PRKN: variants seen among roughly 807,000 people sequenced by gnomAD.
PRKN encodes the protein parkin RBR E3 ubiquitin protein ligase, also known as E3 ubiquitin-protein ligase parkin.
In PRKN, 56 loss-of-function variants were observed where a neutral mutation model predicts 59.5. That is an observed-to-expected ratio of 0.94 (90% CI 0.76 to 1.18). The LOEUF (loss-of-function observed/expected upper bound fraction) is 1.18, where lower values mean the gene tolerates loss of function less well. Among genes scored for constraint, PRKN ranks in the 50% most tolerant of loss-of-function variants. The pLI is 0.00. For missense variants in PRKN, 657 were observed against 596.4 expected, an observed-to-expected ratio of 1.10 and a Z score of -1.06; for synonymous variants, 250 against 222.1, an observed-to-expected ratio of 1.13 and a Z score of -1.12.
intron 1 of PRKN, among the ~76,000 whole-genome samples, chr6:162,602,448 T>C (rs1773339519): frequency 6.6e-6 from 1 of 152,124 alleles, no homozygotes; most frequent in African/African-American, 2.4e-5. Context: ...GTCTTGCATG[T>C]GGTTTTGGAG....
intron 9 of PRKN, among the ~76,000 whole-genome samples, chr6:161,521,762 T>C (rs547917121): frequency 6.6e-6 from 1 of 152,136 alleles, no homozygotes; most frequent in South Asian, 2.1e-4. Flanking sequence ...GCCTCTCAGT[T>C]TGATTACTGG....
intron 7 of PRKN, among the ~76,000 whole-genome samples, chr6:161,607,555 T>G (rs1782327843): frequency 1.3e-5 from 2 of 152,140 alleles, no homozygotes; most frequent in Admixed American, 6.6e-5. Flanking sequence ...CAGAAAATTT[T>G]AAAAATTTAG....
intron 1 of PRKN, among the ~76,000 whole-genome samples, chr6:162,602,101 G>A (rs1409281106): frequency 6.6e-6 from 1 of 152,284 alleles, no homozygotes; most frequent in East Asian, 1.9e-4. Context: ...ATGCTAGGAC[G>A]GGTATCCCCG....
chr6:162,366,732 C>T (rs1290431423), intron 2 of PRKN, among the ~76,000 whole-genome samples: 1 of 151,854 alleles, frequency 6.6e-6, no homozygotes, highest in Non-Finnish European at 1.5e-5. Context: ...ATGGAGAAAC[C>T]CCGCCTCTAT....
chr6:162,167,766 C>T (rs1783058748), intron 4 of PRKN, among the ~76,000 whole-genome samples: 1 of 151,918 alleles, frequency 6.6e-6, no homozygotes, highest in Non-Finnish European at 1.5e-5. Flanking sequence ...CATGGACTAG[C>T]ACTAAAGGAA....
chr6:162,028,680 C>T (rs1169031953), intron 5 of PRKN, among the ~76,000 whole-genome samples: 11 of 152,202 alleles, frequency 7.2e-5, no homozygotes, highest in Non-Finnish European at 1.6e-4. Context: ...CTGTCCAAAG[C>T]CACACAGAGC....
chr6:161,388,807 A>C lies in PRKN; in HGVS notation c.1084-1930T>G, dbSNP rs1269451409. The stretch of plus-strand genomic sequence containing the variant: ...GGAGAAGAGCTGCGGCCTCAGCCGC[A>C]ACAATAGCCCTGTCTGAGCTTTTAG... On this transcript the variant is annotated intron_variant, in intron 9 of 11. Coordinates refer to ENST00000366898, the MANE Select transcript of PRKN (RefSeq NM_004562.3). The surrounding 1 kb of genome is among the most constrained non-coding windows in gnomAD (Gnocchi z 4.3). 1.3e-5 allele frequency among the ~76,000 whole-genome samples: 2 copies of C among 152,266 alleles called. No homozygotes were observed. The highest frequency in any genetic ancestry group is 1.9e-4 in the East Asian group (1 of 5,202).
At chr6:162,011,929 C>A (rs965371048) in intron 5 of PRKN, among the ~76,000 whole-genome samples, 6 of 151,684 alleles carry the variant, frequency 4.0e-5, no homozygotes, top group Non-Finnish European at 8.8e-5. Context: ...TGATGGATAG[C>A]AGAGATTTAG....
At chr6:162,465,703 C>T (rs376018112) in intron 1 of PRKN, among the ~76,000 whole-genome samples, 1 of 128,502 alleles carries the variant, frequency 7.8e-6, no homozygotes, top group South Asian at 2.5e-4. Flanking sequence ...AGGGAAGAAA[C>T]TGAATGCTGA....
intron 7 of PRKN, among the ~76,000 whole-genome samples, chr6:161,695,873 AT>A (rs200260690): frequency 0.013 from 1,935 of 152,336 alleles, 40 homozygotes; most frequent in African/African-American, 0.045. Context: ...GTGAGCTTAG[AT>A]CATAGCGTGA....
intron 5 of PRKN, among the ~76,000 whole-genome samples, chr6:162,030,478 C>T (rs1194986527): frequency 6.6e-6 from 1 of 152,220 alleles, no homozygotes; most frequent in South Asian, 2.1e-4. Flanking sequence ...TGCACCTTTG[C>T]AGGAAGCCCC....
intron 4 of PRKN, among the ~76,000 whole-genome samples, chr6:162,064,199 C>G (rs530423061): frequency 1.3e-5 from 2 of 152,116 alleles, no homozygotes; most frequent in African/African-American, 4.8e-5. Flanking sequence ...TATATGAAAT[C>G]CAGCAAAAAG....
intron 2 of PRKN, among the ~76,000 whole-genome samples, chr6:162,385,801 C>CAA (rs1462091286): frequency 2.0e-5 from 3 of 151,584 alleles, no homozygotes; most frequent in African/African-American, 7.3e-5. Flanking sequence ...GTTTTCTGAA[C>CAA]AAAAGGAAAT....
intron 2 of PRKN, among the ~76,000 whole-genome samples, chr6:162,343,488 A>G (rs182550135): frequency 2.0e-5 from 3 of 152,328 alleles, no homozygotes; most frequent in African/African-American, 7.2e-5. Context: ...TCCCAGAAAC[A>G]GTAATAAGAA....
At chr6:161,611,108 A>T (rs1485205654) in intron 7 of PRKN, among the ~76,000 whole-genome samples, 2 of 152,140 alleles carry the variant, frequency 1.3e-5, no homozygotes, top group Non-Finnish European at 2.9e-5. Flanking sequence ...TGGTTTTACA[A>T]CTCAGTTAAT....
chr6:161,528,263 A>G (rs1779082533), intron 9 of PRKN, among the ~76,000 whole-genome samples: 1 of 152,190 alleles, frequency 6.6e-6, no homozygotes, highest in Admixed American at 6.5e-5. Flanking sequence ...CCCAGCTACA[A>G]ATATCTCCTG....
At chr6:162,121,956 G>A (rs761812955) in intron 4 of PRKN, among the ~76,000 whole-genome samples, 7 of 152,116 alleles carry the variant, frequency 4.6e-5, no homozygotes, top group Admixed American at 2.0e-4. Flanking sequence ...GTGATTATTT[G>A]GTGATCATTA....
chr6:162,516,183 T>C (rs1181996532), intron 1 of PRKN, among the ~76,000 whole-genome samples: 1 of 152,206 alleles, frequency 6.6e-6, no homozygotes, highest in Non-Finnish European at 1.5e-5. Context: ...CTTTGACGTG[T>C]GGTCCCTCAA....
intron 1 of PRKN, among the ~76,000 whole-genome samples, chr6:162,645,865 TCTC>T (rs1778152453): frequency 2.1e-5 from 1 of 48,418 alleles, no homozygotes; most frequent in Middle Eastern, 9.6e-3. Flanking sequence ...GCATAAACTT[TCTC>T]TTTTTTTTTT....
Sources: allele counts gnomAD v4.1 joint callset (sites outside exome capture counted in the v4.1 genomes callset), GRCh38; gene constraint gnomAD v4.1.1; non-coding constraint Gnocchi (gnomAD v3.1); transcripts MANE v1.5; gene names NCBI Gene and HGNC (gene_info 2026-07-23, HGNC 2026-07-21).